CHN2: variants seen among roughly 807,000 people sequenced by gnomAD.
CHN2 encodes the protein chimerin 2.
A neutral mutation model predicts 56.3 loss-of-function variants in CHN2; 35 were observed. The ratio of observed to expected loss-of-function variants is 0.62; its 90% CI spans 0.47 to 0.82. The LOEUF (loss-of-function observed/expected upper bound fraction) is 0.82. Among genes scored for constraint, CHN2 ranks in the 40% least tolerant of loss-of-function variants. The probability of loss-of-function intolerance (pLI) is 0.00; values close to 1 mark genes in which losing one functional copy is unlikely to be tolerated. For missense variants in CHN2, 491 were observed against 580.5 expected, an observed-to-expected ratio of 0.85 and a Z score of 1.58; for synonymous variants, 210 against 212.8, an observed-to-expected ratio of 0.99 and a Z score of 0.12.
At position 29,513,690 on chromosome 7, in the gene CHN2, G is replaced by A. The variant is rs564106032; in HGVS notation, c.*955G>A. ...CAAATTGTATTTTTGCCACATTTCT[G>A]TATTGGTGAAAAGCGAATCTGCAGA... On this transcript the variant is annotated 3_prime_UTR_variant, in exon 13 of 13. Transcript: ENST00000222792. 3 of 152,582 alleles carry A rather than the reference G, an allele frequency of 2.0e-5. No homozygotes were observed. In the East Asian group the frequency reaches 5.8e-4, roughly 29 times the overall value. The allele number at this position is 152,582 out of a possible 1,614,324, so 9.5% of individuals were successfully genotyped here.
At chr7:29,512,486 G>A (rs1791593732) in intron 12 of CHN2, 78 bp from the exon 13 acceptor site, 1 of 1,256,886 alleles carries the variant, frequency 8.0e-7, no homozygotes, top group Non-Finnish European at 1.1e-6. Flanking sequence ...ATGTTATCGG[G>A]ACTTACATAC....
intron 7 of CHN2, among the ~76,000 whole-genome samples, chr7:29,486,059 C>T (rs1184281335): frequency 2.0e-5 from 3 of 152,162 alleles, no homozygotes; most frequent in African/African-American, 7.2e-5. Context: ...CTTCCCTTTT[C>T]TCCCTAGCGC....
At chr7:29,248,221 A>G (rs1021293512) in intron 1 of CHN2, among the ~76,000 whole-genome samples, 1 of 152,190 alleles carries the variant, frequency 6.6e-6, no homozygotes, top group Non-Finnish European at 1.5e-5. Context: ...CAGTGGTCCT[A>G]GCAGCTGGTG....
intron 1 of CHN2, chr7:29,195,349 C>G (rs571999031): frequency 2.4e-5 from 6 of 255,242 alleles, no homozygotes; most frequent in Non-Finnish European, 4.4e-5. Context: ...TGAAGCAGAG[C>G]GCCCCGACCT....
intron 1 of CHN2, among the ~76,000 whole-genome samples, chr7:29,328,114 G>A (rs559075766): frequency 4.9e-4 from 74 of 152,290 alleles, no homozygotes; most frequent in Admixed American, 9.8e-4. Context: ...TTTAAAGAGA[G>A]TTCATCCTGG....
chr7:29,385,656 T>A (rs535747791), intron 3 of CHN2, among the ~76,000 whole-genome samples: 2 of 152,160 alleles, frequency 1.3e-5, no homozygotes, highest in Non-Finnish European at 2.9e-5. Context: ...CAGAGAACAA[T>A]GTGACGAGAT....
At chr7:29,176,800 A>G (rs1185965248) in intron 2 of CHN2, among the ~76,000 whole-genome samples, 1 of 152,224 alleles carries the variant, frequency 6.6e-6, no homozygotes, top group Admixed American at 6.5e-5. Context: ...TAGAAGGAAG[A>G]GCATATAAAT....
chr7:29,235,896 G>A (rs1047299345), intron 1 of CHN2, among the ~76,000 whole-genome samples: 3 of 152,188 alleles, frequency 2.0e-5, no homozygotes, highest in African/African-American at 7.2e-5. Context: ...GGTGGAGGGT[G>A]GGAGGAGGAT....
chr7:29,411,387 A>G lies in CHN2; in HGVS notation c.576+10559A>G, dbSNP rs540693106. On this transcript the variant is annotated intron_variant, in intron 6 of 12. Transcript: ENST00000222792. Reference sequence around the variant, plus strand: ...CCTCTCCTGGGCTTCTCCAGCTACCATCTTTGTGTCTATTTCATCAGGATG... The same window carrying G: ...CCTCTCCTGGGCTTCTCCAGCTACCGTCTTTGTGTCTATTTCATCAGGATG... 4.4e-4 allele frequency among the ~76,000 whole-genome samples: 67 copies of G among 152,146 alleles called. 1 individual carries two copies. The Middle Eastern group carries it at 0.014, about 31-fold the overall frequency.
chr7:29,442,421 A>C (rs1051195000), intron 6 of CHN2, among the ~76,000 whole-genome samples: 1 of 152,170 alleles, frequency 6.6e-6, no homozygotes, highest in African/African-American at 2.4e-5. Flanking sequence ...CCTGATCTGC[A>C]TGGACACCAG....
At chr7:29,443,691 G>A (rs1783834826) in intron 6 of CHN2, among the ~76,000 whole-genome samples, 1 of 151,978 alleles carries the variant, frequency 6.6e-6, no homozygotes, top group Admixed American at 6.6e-5. Context: ...CAGGACCTAG[G>A]CCAAAGGAGC....
intron 6 of CHN2, among the ~76,000 whole-genome samples, chr7:29,479,181 G>T (rs1293190137): frequency 1.3e-5 from 2 of 152,192 alleles, no homozygotes; most frequent in South Asian, 2.1e-4. Context: ...AAGAATTAGG[G>T]TCATGGGAGA....
chr7:29,292,247 T>G (rs1202155644), intron 1 of CHN2, among the ~76,000 whole-genome samples: 1 of 152,174 alleles, frequency 6.6e-6, no homozygotes, highest in African/African-American at 2.4e-5. Context: ...TACTATAAAA[T>G]GCAGACTAAT....
At chr7:29,414,947 T>TG (rs1177085033) in intron 6 of CHN2, among the ~76,000 whole-genome samples, 46 of 152,304 alleles carry the variant, frequency 3.0e-4, no homozygotes, top group African/African-American at 1.1e-3. Context: ...AAGCCTGCCT[T>TG]GGTTATACCT....
intron 1 of CHN2, among the ~76,000 whole-genome samples, chr7:29,315,771 G>T (rs771175283): frequency 4.6e-5 from 7 of 152,018 alleles, no homozygotes; most frequent in Non-Finnish European, 1.0e-4. Flanking sequence ...AAAGTTATTT[G>T]TCCTTAGGAA....
intron 6 of CHN2, among the ~76,000 whole-genome samples, chr7:29,443,881 A>AT (rs1783849554): frequency 6.6e-6 from 1 of 152,214 alleles, no homozygotes; most frequent in Non-Finnish European, 1.5e-5. Flanking sequence ...GTCAAGCCTA[A>AT]TAAGAACTAG....
chr7:29,340,415 T>C (rs1465417234), intron 1 of CHN2, among the ~76,000 whole-genome samples: 1 of 151,798 alleles, frequency 6.6e-6, no homozygotes, highest in Non-Finnish European at 1.5e-5. Flanking sequence ...GGGGCCTCAA[T>C]ATTTAGCAGC....
chr7:29,400,595 G>T lies in CHN2; in HGVS notation c.343G>T (p.Val115Leu), dbSNP rs1445656066. Residue 115 changes from valine (V) to leucine (L), a missense_variant, in exon 6 of 13, where the codon GTG becomes TTG. Transcript: ENST00000222792. Reference protein sequence around the residue: ...YRLFHDGKHFVGEKRFESIHD... With the variant: ...YRLFHDGKHFLGEKRFESIHD... ...GCTCTTCCACGACGGGAAACACTTTGTGGGTGAGAAGAGGTTTGAGTCGAT... is the reference window on the plus strand; with the variant it reads ...GCTCTTCCACGACGGGAAACACTTTTTGGGTGAGAAGAGGTTTGAGTCGAT... 2.5e-6 allele frequency: 4 copies of T among 1,614,078 alleles called. No individual in the cohort carries two copies. Among genetic ancestry groups the T allele is most frequent in the Non-Finnish European group, 3.4e-6 (4 of 1,180,052 alleles).
At chr7:29,154,763 A>G (rs1794099444) in intron 2 of CHN2, among the ~76,000 whole-genome samples, 2 of 152,332 alleles carry the variant, frequency 1.3e-5, no homozygotes, top group Middle Eastern at 3.4e-3. Context: ...AGAACCCGGA[A>G]GGCAGAGGTT....
Sources: allele counts gnomAD v4.1 joint callset (sites outside exome capture counted in the v4.1 genomes callset), GRCh38; gene constraint gnomAD v4.1.1; transcripts MANE v1.5; gene names NCBI Gene and HGNC (gene_info 2026-07-23, HGNC 2026-07-21).